The following RGS5 variants were observed in gnomAD, a reference collection of about 807,000 sequenced individuals.
RGS5 encodes the protein regulator of G protein signaling 5.
In RGS5, 20 loss-of-function variants were observed where a neutral mutation model predicts 18.9. That is an observed-to-expected ratio of 1.06 (90% CI 0.74 to 1.54). RGS5 has a LOEUF of 1.54. Among genes scored for constraint, RGS5 ranks in the 40% most tolerant of loss-of-function variants. RGS5 has a pLI of 0.00. For missense variants in RGS5, 201 were observed against 211.8 expected (o/e 0.95, Z 0.32); for synonymous variants, 57 against 76.2 (o/e 0.75, Z 1.31).
intron 1 of RGS5, among the ~76,000 whole-genome samples, chr1:163,191,479 T>A (rs1251707177): frequency 6.6e-6 from 1 of 152,090 alleles, no homozygotes; most frequent in Non-Finnish European, 1.5e-5. Context: ...AATGGAGAAG[T>A]GAAACAAGTA....
chr1:163,152,713 C>A lies in RGS5; in HGVS notation c.221G>T (p.Gly74Val). 6.4e-7 allele frequency: 1 copy of A among 1,573,796 alleles called. No homozygotes were observed. The highest frequency in any genetic ancestry group is 8.6e-7 in the Non-Finnish European group (1 of 1,164,940). ...SLDKLLQNNY[G>V]LASFKSFLKS... Reference sequence around the variant, plus strand: ...CAGGAAACTTTTGAAACTGGCAAGTCCATCTGGAAAGAAAAAAACAGTCAG... The same window carrying A: ...CAGGAAACTTTTGAAACTGGCAAGTACATCTGGAAAGAAAAAAACAGTCAG... Residue 74 changes from glycine to valine, a missense_variant, in exon 4 of 5, where the codon GGA (glycine) becomes GTA (valine). Physicochemically the swap from Gly to Val is moderately radical, Grantham distance 109. Transcript: ENST00000313961.
intron 1 of RGS5, among the ~76,000 whole-genome samples, chr1:163,179,979 A>G (rs1658734077): frequency 6.6e-6 from 1 of 152,086 alleles, no homozygotes; most frequent in Admixed American, 6.5e-5. Context: ...TTCATTGCCA[A>G]TAGCTAATCT....
At chr1:163,167,399 T>A (rs1323779691) in intron 2 of RGS5, among the ~76,000 whole-genome samples, 1 of 152,190 alleles carries the variant, frequency 6.6e-6, no homozygotes, top group African/African-American at 2.4e-5. Flanking sequence ...ATGGAGTGTA[T>A]CTGTCTAGGT....
intron 1 of RGS5, chr1:163,211,424 G>T (rs916690119): frequency 5.3e-5 from 8 of 152,216 alleles, no homozygotes; most frequent in East Asian, 1.9e-4. Context: ...GGAACAAAAT[G>T]TGAGGAGTCT....
At chr1:163,303,711 T>G (rs1571351660) in intron 2 of RGS5, among the ~76,000 whole-genome samples, 1 of 152,264 alleles carries the variant, frequency 6.6e-6, no homozygotes, top group African/African-American at 2.4e-5. Flanking sequence ...TGTGGCCTGT[T>G]AGGAACCAGG....
chr1:163,192,409 G>A (rs1478619918), intron 1 of RGS5, among the ~76,000 whole-genome samples: 1 of 152,192 alleles, frequency 6.6e-6, no homozygotes, highest in African/African-American at 2.4e-5. Flanking sequence ...CAGAAGTGAA[G>A]TGTTGTGTGA....
intron 2 of RGS5, among the ~76,000 whole-genome samples, chr1:163,235,812 T>C (rs1051846810): frequency 6.6e-6 from 1 of 152,182 alleles, no homozygotes; most frequent in African/African-American, 2.4e-5. Context: ...ATCTATCAGG[T>C]TATAGTTCAT....
chr1:163,234,999 C>T (rs1344230952), intron 2 of RGS5, among the ~76,000 whole-genome samples: 3 of 152,172 alleles, frequency 2.0e-5, no homozygotes, highest in Non-Finnish European at 4.4e-5. Context: ...TCACTTCTGC[C>T]ACATTTTGTT....
chr1:163,203,214 T>C (rs1228786213), upstream of RGS5: 1 of 166,534 alleles, frequency 6.0e-6, no homozygotes, highest in Non-Finnish European at 1.3e-5. Context: ...AGATGTGAGC[T>C]TCCTGTGAAG....
chr1:163,225,080 G>A (rs1347371680), intron 2 of RGS5, among the ~76,000 whole-genome samples: 1 of 152,080 alleles, frequency 6.6e-6, no homozygotes, highest in African/African-American at 2.4e-5. Flanking sequence ...TGCTTTTGAG[G>A]TCTTGTTCAA....
intron 3 of RGS5, among the ~76,000 whole-genome samples, chr1:163,160,919 A>G (rs918114264): frequency 2.0e-5 from 3 of 152,204 alleles, no homozygotes; most frequent in Admixed American, 2.0e-4. Flanking sequence ...TATCTACATG[A>G]AAAAGACTAA....
chr1:163,224,901 TGA>T (rs1647300912), intron 2 of RGS5, among the ~76,000 whole-genome samples: 1 of 152,160 alleles, frequency 6.6e-6, no homozygotes, highest in African/African-American at 2.4e-5. Flanking sequence ...TTGAGTTTTT[TGA>T]GTTTCTTATA....
chr1:163,180,385 C>A (rs1338739046), intron 1 of RGS5, among the ~76,000 whole-genome samples: 2 of 152,186 alleles, frequency 1.3e-5, no homozygotes, highest in Non-Finnish European at 2.9e-5. Context: ...CTTCCTATTG[C>A]AGTGCCTTCA....
chr1:163,146,814 A>G lies in RGS5; in HGVS notation c.*528T>C, dbSNP rs1657146570. On this transcript the variant is annotated 3_prime_UTR_variant, in exon 5 of 5. Transcript: ENST00000313961. ...GGGAAGGATCAATATTTTAAATAAC[A>G]TATTTGCTTAAAATATCATACAGTG... 1.3e-5 allele frequency: 2 copies of G among 152,242 alleles called. No homozygotes were observed. Among genetic ancestry groups the G allele is most frequent in the Non-Finnish European group, 2.9e-5 (2 of 68,042 alleles). The allele number at this position is 152,242 out of a possible 1,614,324, so 9.4% of individuals were successfully genotyped here.
intron 1 of RGS5, among the ~76,000 whole-genome samples, chr1:163,308,332 T>A (rs576706727): frequency 6.6e-6 from 1 of 152,270 alleles, no homozygotes; most frequent in Non-Finnish European, 1.5e-5. Context: ...CAATAAGTAA[T>A]AAGTTCCAAC....
At chr1:163,311,214 C>A (rs1382187064) in intron 1 of RGS5, among the ~76,000 whole-genome samples, 10 of 152,218 alleles carry the variant, frequency 6.6e-5, no homozygotes, top group Admixed American at 2.6e-4. Flanking sequence ...TGTCAGCCTT[C>A]ATATAATTAA....
intron 1 of RGS5, among the ~76,000 whole-genome samples, chr1:163,185,794 A>G (rs934186839): frequency 6.6e-6 from 1 of 152,256 alleles, no homozygotes; most frequent in Non-Finnish European, 1.5e-5. Context: ...CATGCAATGC[A>G]TAAACTTATT....
intron 2 of RGS5, among the ~76,000 whole-genome samples, chr1:163,280,646 C>A (rs1010009297): frequency 2.6e-5 from 4 of 152,034 alleles, no homozygotes; most frequent in African/African-American, 7.2e-5. Flanking sequence ...TTCCCATGAT[C>A]ATGGACTAGA....
chr1:163,276,697 G>A (rs776660079), intron 2 of RGS5, among the ~76,000 whole-genome samples: 5 of 152,168 alleles, frequency 3.3e-5, no homozygotes, highest in Admixed American at 6.5e-5. Context: ...TCTCTTGGCC[G>A]TAAGCATCCC....
Sources: gnomAD v4.1 joint callset for allele counts (sites outside exome capture counted in the v4.1 genomes callset) on GRCh38, gnomAD v4.1.1 for gene constraint, MANE v1.5 for transcripts, NCBI Gene and HGNC (gene_info 2026-07-23, HGNC 2026-07-21) for gene names.